The following ITIH3 variants were observed in gnomAD, a reference collection of about 807,000 sequenced individuals.
The protein encoded by ITIH3 is inter-alpha-trypsin inhibitor heavy chain H3.
ITIH3 carries 81 observed loss-of-function variants against 96.5 expected under a neutral mutation model. The observed-to-expected ratio is 0.84, with a 90% CI of 0.70 to 1.01. The LOEUF is 1.01. Ranked by LOEUF, ITIH3 falls within the 50% of genes least tolerant of loss-of-function variation. ITIH3 has a pLI of 0.00. For missense variants in ITIH3, 1,057 were observed against 1,139.3 expected (o/e 0.93, Z 1.04); for synonymous variants, 422 against 445.2 (o/e 0.95, Z 0.66).
chr3:52,803,739 C>A lies in ITIH3; in HGVS notation c.1710-116C>A, dbSNP rs1295763769. On this transcript the variant is annotated intron_variant, in intron 13 of 21. Transcript: ENST00000449956. Reference sequence around the variant, plus strand: ...CCCAACTGGGCTGTACCCTGGGGGACCCCACAATGGGGAAGGTGGAGTGGG... The same window carrying A: ...CCCAACTGGGCTGTACCCTGGGGGAACCCACAATGGGGAAGGTGGAGTGGG... 12 of 1,184,522 alleles carry A rather than the reference C, an allele frequency of 1.0e-5. No individual in the cohort carries two copies. The African/African-American group carries it at 1.2e-4, about 12-fold the overall frequency. 73.4% of individuals were successfully genotyped at this position (1,184,522 alleles called of 1,614,324 possible). A position where few individuals can be genotyped will look rare whatever the true frequency, so the allele number is the denominator to read the frequency against.
At position 52,797,098 on chromosome 3, in the gene ITIH3, T is replaced by C. The variant is rs758621492; in HGVS notation, c.387-7T>C. On this transcript the variant is annotated splice_polypyrimidine_tract_variant and splice_region_variant and intron_variant, in intron 4 of 21. Transcript: ENST00000449956. ...TTGAGGGAGTCACCATCTCGCACCC[T>C]GGTCAGGGCCTCTGGGAGGAAGTTG... The C allele has an allele frequency of 6.2e-7, 1 of 1,606,958 alleles. No homozygotes were observed. The highest frequency in any genetic ancestry group is 2.2e-5 in the East Asian group (1 of 44,684).
Position 52,799,448 on chromosome 3 carries a change from T to C in ITIH3, c.866T>C (p.Ile289Thr), listed in dbSNP as rs1699726620. ...PVVPKNVAFV[I>T]DISGSMAGRK... ...GTGCCTAAGAACGTGGCCTTTGTGA[T>C]TGACATCAGCGGCTCCATGGCTGGT... is the stretch of plus-strand genomic sequence containing the variant. The change falls in exon 8 of 22, where the codon ATT (isoleucine) becomes ACT (threonine). Residue 289 changes from isoleucine to threonine, a missense_variant. Physicochemically the swap from Ile to Thr is moderately conservative, Grantham distance 89. Coordinates refer to ENST00000449956, the MANE Select transcript of ITIH3 (RefSeq NM_002217.4). 1.2e-6 allele frequency: 2 copies of C among 1,612,710 alleles called. No homozygotes were observed. Among genetic ancestry groups the C allele is most frequent in the South Asian group, 1.1e-5 (1 of 90,780 alleles).
rs780953381 is a variant in ITIH3, at chr3:52,797,819, C to T, written c.552C>T (p.Ile184=). 3 of 1,594,476 alleles carry T rather than the reference C, an allele frequency of 1.9e-6. No individual in the cohort carries two copies. Among genetic ancestry groups the T allele is most frequent in the Non-Finnish European group, 2.6e-6 (3 of 1,168,524 alleles). Reference sequence around the variant, plus strand: ...TTTCCTTACTTTGGCCATTTCAGATCGAGGTAGACATCTTCGAGCCTCAGG... The same window carrying T: ...TTTCCTTACTTTGGCCATTTCAGATTGAGGTAGACATCTTCGAGCCTCAGG... ...QPKQLVKHFE[I]EVDIFEPQGI... The change falls in exon 6 of 22, where the codon ATC becomes ATT. Residue 184 remains isoleucine (I), a splice_region_variant and synonymous_variant. Transcript: ENST00000449956.
chr3:52,807,714 G>A (rs1429553592), intron 19 of ITIH3, 33 bp from the exon 20 acceptor site: 1 of 1,587,548 alleles, frequency 6.3e-7, no homozygotes, highest in Non-Finnish European at 8.6e-7. Context: ...CGGCCACTGG[G>A]CCCCACAGCC....
In ITIH3 at chr3:52,802,727, C is replaced by T. The variant is rs376275642; in HGVS notation, c.1630C>T (p.Gln544Ter). The change falls in exon 13 of 22, where the codon CAG becomes TAG. Residue 544 changes from glutamine to a stop codon, truncating the protein, a stop_gained. Coordinates refer to ENST00000449956, the MANE Select transcript of ITIH3 (RefSeq NM_002217.4). LOFTEE classifies it high-confidence loss of function. The part of the protein sequence containing the change: ...VDMKEMEKAL[Q>*]ERDYIFGNYI... ...CATGAAGGAGATGGAGAAGGCCCTGCAGGAGCGGGACTACATCTTCGGGAA... is the reference window on the plus strand; with the variant it reads ...CATGAAGGAGATGGAGAAGGCCCTGTAGGAGCGGGACTACATCTTCGGGAA... 1.1e-5 allele frequency: 17 copies of T among 1,613,946 alleles called. No individual in the cohort carries two copies. In the South Asian group the frequency reaches 1.5e-4, roughly 15 times the overall value.
chr3:52,796,421 G>A (rs969723359), intron 2 of ITIH3, 60 bp from the exon 3 acceptor site: 24 of 1,516,666 alleles, frequency 1.6e-5, no homozygotes, highest in Middle Eastern at 2.4e-4. Context: ...AGGTGGCTGG[G>A]TTGCAAACCT....
At position 52,800,568 on chromosome 3, in the gene ITIH3, G is replaced by A. The variant is rs1041278548; in HGVS notation, c.1106G>A (p.Gly369Asp). Residue 369 changes from glycine (G) to aspartate (D), a missense_variant, in exon 10 of 22, where the codon GGC becomes GAC. Gly to Asp is a moderately conservative substitution (Grantham distance 94, BLOSUM62 -1). Coordinates refer to ENST00000449956, the MANE Select transcript of ITIH3 (RefSeq NM_002217.4). The stretch of plus-strand genomic sequence containing the variant: ...AACATCAATGACGGGCTGCTGAGGG[G>A]CATCAGTATGCTGAACAAGGCCCGA... The part of the protein sequence containing the change: ...MTNINDGLLR[G>D]ISMLNKAREE... The A allele has an allele frequency of 3.8e-6, 6 of 1,560,196 alleles. No homozygotes were observed. Among genetic ancestry groups the A allele is most frequent in the Non-Finnish European group, 5.2e-6 (6 of 1,151,730 alleles).
intron 6 of ITIH3, 66 bp downstream of exon 6, chr3:52,797,996 C>T: frequency 2.0e-6 from 2 of 995,898 alleles, no homozygotes. Flanking sequence ...GCAGAACAAG[C>T]CTGCAGCCTA....
intron 17 of ITIH3, 22 bp from the exon 18 acceptor site, chr3:52,806,270 CT>C: frequency 2.5e-6 from 4 of 1,609,212 alleles, no homozygotes; most frequent in Non-Finnish European, 3.4e-6. Context: ...CGGGAGTCAG[CT>C]CCTTCTCTAA....
chr3:52,806,008 G>A (rs1578762060), intron 16 of ITIH3, 95 bp from the exon 17 acceptor site: 2 of 1,428,604 alleles, frequency 1.4e-6, no homozygotes, highest in Non-Finnish European at 9.3e-7. Flanking sequence ...GCGGGAAGGG[G>A]AGGGGAGGGG....
Position 52,808,351 on chromosome 3 carries a change from G to A in ITIH3, c.2543+130G>A, listed in dbSNP as rs1700130701. The stretch of plus-strand genomic sequence containing the variant: ...TACCCTTGTTTCCCTTTGAGGTCTT[G>A]GCCCCTCCCAGGCTCTTGCTAATCA... On this transcript the variant is annotated intron_variant, in intron 21 of 21. Coordinates refer to ENST00000449956, the MANE Select transcript of ITIH3 (RefSeq NM_002217.4). 16 of 1,046,122 alleles carry A rather than the reference G, an allele frequency of 1.5e-5. No individual in the cohort carries two copies. In the South Asian group the frequency reaches 2.4e-4, roughly 16 times the overall value. The allele number at this position is 1,046,122 out of a possible 1,614,324, so 64.8% of individuals were successfully genotyped here. A position where few individuals can be genotyped will look rare whatever the true frequency, so the allele number is the denominator to read the frequency against.
In ITIH3 at chr3:52,802,672, C is replaced by A. The variant is rs1559472507; in HGVS notation, c.1575C>A (p.Thr525=). The A allele has an allele frequency of 1.2e-6, 2 of 1,613,892 alleles. No individual in the cohort carries two copies. Among genetic ancestry groups the A allele is most frequent in the Admixed American group, 1.7e-5 (1 of 60,020 alleles). The change falls in exon 13 of 22, where the codon ACC becomes ACA. Residue 525 remains threonine (T), a synonymous_variant. Coordinates refer to ENST00000449956, the MANE Select transcript of ITIH3 (RefSeq NM_002217.4). ...TCCTTCTACCCCCACCCTAGGCCAC[C>A]AACGACCTGACCTTCACAGAGGAGG... ...FKADVKGHGA[T]NDLTFTEEVD... is the part of the protein sequence containing the mutation.
intron 15 of ITIH3, chr3:52,805,501 G>A: frequency 8.5e-7 from 1 of 1,182,848 alleles, no homozygotes; most frequent in African/African-American, 1.6e-5. Flanking sequence ...GGAAGCCCAG[G>A]GGTGGGGCAG....
At chr3:52,797,959 G>A in intron 6 of ITIH3, 29 bp downstream of exon 6, 4 of 1,352,764 alleles carry the variant, frequency 3.0e-6, no homozygotes, top group East Asian at 4.9e-5. Flanking sequence ...AGACCTGGTG[G>A]GGCAGGGGAC....
intron 13 of ITIH3, among the ~76,000 whole-genome samples, chr3:52,803,485 A>AT (rs1162351717): frequency 6.6e-6 from 1 of 151,332 alleles, no homozygotes; most frequent in Non-Finnish European, 1.5e-5. Context: ...TGCCTGGCTA[A>AT]TTTTTGTATT....
At chr3:52,802,056 ACTTT>A (rs1271670807) in intron 11 of ITIH3, 1 of 379,284 alleles carries the variant, frequency 2.6e-6, no homozygotes, top group African/African-American at 2.1e-5. Context: ...TTCCTTAAAT[ACTTT>A]CTTTGTGCTA....
In ITIH3 at chr3:52,798,964, A is replaced by G. The variant is rs1202742519; in HGVS notation, c.664-2A>G. The G allele has an allele frequency of 1.2e-6, 2 of 1,612,900 alleles. No homozygotes were observed. Among genetic ancestry groups the G allele is most frequent in the East Asian group, 2.2e-5 (1 of 44,858 alleles). On this transcript the variant is annotated splice_acceptor_variant, in intron 6 of 21. Coordinates refer to ENST00000449956, the MANE Select transcript of ITIH3 (RefSeq NM_002217.4). LOFTEE classifies it high-confidence loss of function. ...GCAAGGTCTTTCATCTCCATCCCTT[A>G]GGGCCATGTGTCCTTCAAGCCCAGC...
At chr3:52,802,087 A>C (rs1165575534) in intron 11 of ITIH3, 12 of 451,850 alleles carry the variant, frequency 2.7e-5, no homozygotes, top group Admixed American at 4.2e-5. Flanking sequence ...CTGTCCTTTC[A>C]TATTTCTTTT....
chr3:52,804,262 G>C, intron 14 of ITIH3: 1 of 534,496 alleles, frequency 1.9e-6, no homozygotes, highest in Non-Finnish European at 3.3e-6. Context: ...ACTGCCCATG[G>C]GGCATTTCAA....
Sources: allele counts gnomAD v4.1 joint callset (sites outside exome capture counted in the v4.1 genomes callset), GRCh38; gene constraint gnomAD v4.1.1; transcripts MANE v1.5; gene names NCBI Gene and HGNC (gene_info 2026-07-23, HGNC 2026-07-21).